GAP43: variants seen among roughly 807,000 people sequenced by gnomAD.
The protein encoded by GAP43 is growth associated protein 43.
A neutral mutation model predicts 18.6 loss-of-function variants in GAP43; 6 were observed. The observed-to-expected ratio is 0.32, with a 90% confidence interval of 0.18 to 0.64. The LOEUF (loss-of-function observed/expected upper bound fraction) is 0.64, where lower values mean the gene tolerates loss of function less well. GAP43 is among the 30% of genes least tolerant of loss of function. The pLI is 0.78. For synonymous variants in GAP43, 115 were observed against 111.4 expected, an observed-to-expected ratio of 1.03 and a Z score of -0.20; for missense variants, 292 against 295.5, an observed-to-expected ratio of 0.99 and a Z score of 0.09.
intron 1 of GAP43, among the ~76,000 whole-genome samples, chr3:115,636,328 A>G (rs1708330269): frequency 6.6e-6 from 1 of 152,106 alleles, no homozygotes; most frequent in African/African-American, 2.4e-5. Context: ...TTCTGTTATA[A>G]AAGTCATACT....
At chr3:115,661,329 C>G (rs565318572) in intron 1 of GAP43, 57 of 152,264 alleles carry the variant, frequency 3.7e-4, no homozygotes, top group African/African-American at 1.3e-3. Flanking sequence ...CTGTAAGTGC[C>G]TTTGTGCAGC....
In GAP43 at chr3:115,720,865, G is replaced by T; in HGVS notation, c.700G>T (p.Asp234Tyr). Residue 234 changes from aspartate to tyrosine, a missense_variant, in exon 3 of 3, where the codon GAC (aspartate) becomes TAC (tyrosine). Physicochemically the swap from Asp to Tyr is radical, Grantham distance 160. Transcript: ENST00000305124. ...GGGTAAAGAAGAGGAACCTGAGGCT[G>T]ACCAAGAACATGCCTGAACTCTAAG... Reference protein sequence around the residue: ...DEGKEEEPEADQEHA With the variant: ...DEGKEEEPEAYQEHA The T allele has an allele frequency of 6.2e-7, 1 of 1,612,202 alleles. No individual in the cohort carries two copies. Among genetic ancestry groups the T allele is most frequent in the South Asian group, 1.1e-5 (1 of 90,976 alleles).
intron 2 of GAP43, 36 bp from the exon 3 acceptor site, chr3:115,720,758 C>T: frequency 7.0e-7 from 1 of 1,433,746 alleles, no homozygotes; most frequent in African/African-American, 1.4e-5. Flanking sequence ...CTAATTCTCT[C>T]CTTTTCCCCC....
chr3:115,708,878 T>A (rs1709398360), intron 2 of GAP43, among the ~76,000 whole-genome samples: 1 of 150,262 alleles, frequency 6.7e-6, no homozygotes, highest in South Asian at 2.1e-4. Flanking sequence ...CGTGGAGAGA[T>A]GTAGAGTTGT....
At chr3:115,683,141 G>T (rs1373383670) in intron 2 of GAP43, among the ~76,000 whole-genome samples, 1 of 121,322 alleles carries the variant, frequency 8.2e-6, no homozygotes. Context: ...GCGTGCGCGC[G>T]CGCGCGCACA....
chr3:115,712,566 C>G (rs1180495473), intron 2 of GAP43, among the ~76,000 whole-genome samples: 1 of 152,150 alleles, frequency 6.6e-6, no homozygotes, highest in Non-Finnish European at 1.5e-5. Context: ...ACATTCTGCA[C>G]TTTAGATTTT....
intron 1 of GAP43, among the ~76,000 whole-genome samples, chr3:115,627,177 C>A (rs1708200971): frequency 7.4e-6 from 1 of 135,034 alleles, no homozygotes; most frequent in African/African-American, 2.8e-5. Flanking sequence ...TGCAGAGAAC[C>A]TTAGAAAATT....
chr3:115,661,888 A>G lies in GAP43; in HGVS notation c.31-14125A>G, dbSNP rs144119183. On this transcript the variant is annotated intron_variant, in intron 1 of 2. Transcript: ENST00000305124. ...TTGCAAACCACAGGGCATGCTCACA[A>G]GAGAAGTGGGAAGATAGGGACCATT... 1.3e-3 allele frequency among the ~76,000 whole-genome samples: 178 copies of G among 137,992 alleles called. 1 individual carries two copies. The highest frequency in any genetic ancestry group is 7.4e-3 in the South Asian group (32 of 4,296). 90.5% of individuals were successfully genotyped at this position (137,992 alleles called of 152,430 possible).
chr3:115,669,936 G>T (rs1340111145), intron 1 of GAP43, among the ~76,000 whole-genome samples: 2 of 148,084 alleles, frequency 1.4e-5, no homozygotes, highest in Non-Finnish European at 3.0e-5. Flanking sequence ...GGGATCCGGT[G>T]TATGCCCACT....
intron 1 of GAP43, among the ~76,000 whole-genome samples, chr3:115,657,373 G>A (rs769847277): frequency 1.3e-5 from 2 of 152,240 alleles, no homozygotes; most frequent in Non-Finnish European, 2.9e-5. Flanking sequence ...GTTACCACCA[G>A]ATGGTGAAAC....
intron 1 of GAP43, among the ~76,000 whole-genome samples, chr3:115,647,503 C>T (rs6795687): frequency 0.23 from 34,402 of 151,700 alleles, 4,367 homozygotes; most frequent in Middle Eastern, 0.33. Flanking sequence ...GAGCTCAGGA[C>T]TCACAGGAGG....
intron 1 of GAP43, among the ~76,000 whole-genome samples, chr3:115,667,558 C>T (rs562696831): frequency 3.3e-5 from 5 of 152,200 alleles, no homozygotes; most frequent in African/African-American, 4.8e-5. Context: ...AAAGACACTT[C>T]GCAGTGTCTT....
chr3:115,672,871 T>C (rs1201171929), intron 1 of GAP43, among the ~76,000 whole-genome samples: 1 of 152,108 alleles, frequency 6.6e-6, no homozygotes, highest in African/African-American at 2.4e-5. Context: ...AAATTTAGTT[T>C]TCCTAAATCT....
At chr3:115,718,395 C>A (rs955457382) in intron 2 of GAP43, among the ~76,000 whole-genome samples, 2 of 152,180 alleles carry the variant, frequency 1.3e-5, no homozygotes, top group Non-Finnish European at 2.9e-5. Flanking sequence ...TGAAATAAAT[C>A]TGGAATCTTT....
chr3:115,682,661 C>T (rs777806966), intron 2 of GAP43, among the ~76,000 whole-genome samples: 4 of 152,174 alleles, frequency 2.6e-5, no homozygotes, highest in Non-Finnish European at 2.9e-5. Context: ...CTCAACCTCC[C>T]TAGTGGCTGG....
At chr3:115,715,929 G>A (rs991908707) in intron 2 of GAP43, among the ~76,000 whole-genome samples, 2 of 152,190 alleles carry the variant, frequency 1.3e-5, no homozygotes, top group African/African-American at 4.8e-5. Context: ...AATTTACAGT[G>A]TGGCCTTACG....
intron 1 of GAP43, among the ~76,000 whole-genome samples, chr3:115,673,704 T>C (rs563886251): frequency 1.3e-5 from 2 of 152,326 alleles, no homozygotes; most frequent in East Asian, 1.9e-4. Flanking sequence ...GTGTCTCACA[T>C]TGGGCTGTGC....
At chr3:115,686,769 G>T (rs531041929) in intron 2 of GAP43, among the ~76,000 whole-genome samples, 1 of 152,272 alleles carries the variant, frequency 6.6e-6, no homozygotes, top group East Asian at 1.9e-4. Context: ...GGAGGCAATA[G>T]TTCTTCTCAG....
intron 2 of GAP43, among the ~76,000 whole-genome samples, chr3:115,714,732 G>A (rs1323890579): frequency 1.3e-5 from 2 of 150,642 alleles, no homozygotes; most frequent in South Asian, 2.1e-4. Context: ...GACACATTCG[G>A]TTTTATAATA....
Sources: gnomAD v4.1 joint callset for allele counts (sites outside exome capture counted in the v4.1 genomes callset) on GRCh38, gnomAD v4.1.1 for gene constraint, MANE v1.5 for transcripts, NCBI Gene and HGNC (gene_info 2026-07-23, HGNC 2026-07-21) for gene names.